Variants in SH3TC2 observed in about 807,000 individuals in gnomAD.
SH3TC2 encodes SH3 domain and tetratricopeptide repeat-containing protein 2.
A neutral mutation model predicts 124.5 loss-of-function variants in SH3TC2; 87 were observed. The ratio of observed to expected loss-of-function variants is 0.70; its 90% CI spans 0.59 to 0.84. The LOEUF is 0.84. Ranked by LOEUF, SH3TC2 falls within the 40% of genes least tolerant of loss-of-function variation. The pLI is 0.00. For synonymous variants in SH3TC2, 634 were observed against 628.5 expected (o/e 1.01, Z -0.13); for missense variants, 1,536 against 1,566.4 (o/e 0.98, Z 0.33).
chr5:149,053,992 G>A (rs922062435), intron 1 of SH3TC2, among the ~76,000 whole-genome samples: 1 of 152,146 alleles, frequency 6.6e-6, no homozygotes, highest in Non-Finnish European at 1.5e-5. Context: ...ACAATGGGGT[G>A]ACTGTAGTCA....
At position 148,985,193 on chromosome 5, in the gene SH3TC2, G is replaced by A. The variant is rs145315864; in HGVS notation, c.*19518C>T. On this transcript the variant is annotated 3_prime_UTR_variant, in exon 17 of 17. Transcript: ENST00000515425. ...CAAAGCACTTAAAATCAAAACACAC[G>A]CAAAAATATATTACTACTCATTTGA... Among the ~76,000 whole-genome samples, 6 of 150,724 alleles carry A rather than the reference G, an allele frequency of 4.0e-5. No individual in the cohort carries two copies. Among genetic ancestry groups the A allele is most frequent in the African/African-American group, 1.2e-4 (5 of 41,140 alleles).
In SH3TC2 at chr5:149,003,182, A is replaced by G. The variant is rs961472382; in HGVS notation, c.*1529T>C. 6.6e-6 allele frequency: 1 copy of G among 152,248 alleles called. No homozygotes were observed. The highest frequency in any genetic ancestry group is 2.4e-5 in the African/African-American group (1 of 41,474). 9.4% of individuals were successfully genotyped at this position (152,248 alleles called of 1,614,324 possible). On this transcript the variant is annotated 3_prime_UTR_variant, in exon 17 of 17. Coordinates refer to ENST00000515425, the MANE Select transcript of SH3TC2 (RefSeq NM_024577.4). ...CCCCAATGATTCCTCACCATCTGGT[A>G]TTCAAGCTGTTGGTAAACACTCCCC...
intron 9 of SH3TC2, among the ~76,000 whole-genome samples, chr5:149,030,300 C>A (rs548101527): frequency 1.3e-5 from 2 of 152,354 alleles, no homozygotes; most frequent in African/African-American, 4.8e-5. Flanking sequence ...TGTTCTCCTG[C>A]TGCTTGTCTT....
intron 13 of SH3TC2, among the ~76,000 whole-genome samples, chr5:149,010,723 A>G (rs1218908694): frequency 6.6e-6 from 1 of 152,216 alleles, no homozygotes; most frequent in Non-Finnish European, 1.5e-5. Flanking sequence ...CTGCAACTTT[A>G]GATAGTATTG....
At chr5:149,019,754 C>T (rs889834515) in intron 12 of SH3TC2, among the ~76,000 whole-genome samples, 5 of 152,152 alleles carry the variant, frequency 3.3e-5, no homozygotes, top group Non-Finnish European at 7.4e-5. Context: ...AGCTTCATTG[C>T]TTTTCAACTT....
At chr5:149,052,090 T>C (rs1260112502) in intron 2 of SH3TC2, 52 bp downstream of exon 2, 1 of 1,244,444 alleles carries the variant, frequency 8.0e-7, no homozygotes. Flanking sequence ...ATAAAGAGGT[T>C]ATCGCAATAC....
chr5:149,008,709 T>A, intron 15 of SH3TC2, 142 bp downstream of exon 15: 1 of 1,202,602 alleles, frequency 8.3e-7, no homozygotes, highest in South Asian at 1.2e-5. Flanking sequence ...GCAACTTGCT[T>A]AACTAAGGTC....
At position 149,004,595 on chromosome 5, in the gene SH3TC2, A is replaced by G; in HGVS notation, c.*116T>C. ...CCTGGACTTCATTCTTCTTCTTGTGAAATGAGGGGGCTAGGCCAGGTAAGG... is the reference window on the plus strand; with the variant it reads ...CCTGGACTTCATTCTTCTTCTTGTGGAATGAGGGGGCTAGGCCAGGTAAGG... On this transcript the variant is annotated 3_prime_UTR_variant, in exon 17 of 17. Coordinates refer to ENST00000515425, the MANE Select transcript of SH3TC2 (RefSeq NM_024577.4). The G allele has an allele frequency of 9.3e-7, 1 of 1,079,474 alleles. No homozygotes were observed. The highest frequency in any genetic ancestry group is 1.3e-6 in the Non-Finnish European group (1 of 755,720). 66.9% of individuals were successfully genotyped at this position (1,079,474 alleles called of 1,614,324 possible).
chr5:149,039,099 G>A (rs1010193500), intron 7 of SH3TC2, among the ~76,000 whole-genome samples: 3 of 152,196 alleles, frequency 2.0e-5, no homozygotes, highest in Admixed American at 6.5e-5. Context: ...TACCACTGGT[G>A]GAATAGAAAG....
At chr5:149,008,635 A>G (rs1753730980) in intron 15 of SH3TC2, 1 of 624,864 alleles carries the variant, frequency 1.6e-6, no homozygotes, top group Non-Finnish European at 2.8e-6. Flanking sequence ...AACAACTACC[A>G]TGAGGTGGGC....
chr5:149,030,063 T>A (rs893580451), intron 9 of SH3TC2, among the ~76,000 whole-genome samples: 5 of 152,136 alleles, frequency 3.3e-5, no homozygotes, highest in African/African-American at 1.2e-4. Context: ...GCCCCGCAGC[T>A]AAAGATGAAG....
chr5:149,060,691 G>A (rs1377280075), intron 1 of SH3TC2, among the ~76,000 whole-genome samples: 1 of 152,200 alleles, frequency 6.6e-6, no homozygotes, highest in African/African-American at 2.4e-5. Flanking sequence ...GGAATTAGGA[G>A]GAAGTGATGT....
rs144551547 is a variant in SH3TC2, at chr5:149,015,982, T to C, written c.3054-3248A>G. 3.0e-3 allele frequency among the ~76,000 whole-genome samples: 452 copies of C among 152,362 alleles called. 2 individuals are homozygous for C. The highest frequency in any genetic ancestry group is 0.01 in the African/African-American group (433 of 41,578). On this transcript the variant is annotated intron_variant, in intron 12 of 16. Transcript: ENST00000515425. ...TCCAGTAGGATGTTGTTGTTTTGAT[T>C]TGTTTTTTGAAACGTATCTAAGTTT...
At chr5:149,062,168 G>A (rs1014740662) in intron 1 of SH3TC2, 3 of 386,514 alleles carry the variant, frequency 7.8e-6, no homozygotes, top group Non-Finnish European at 5.1e-6. Flanking sequence ...ATGATTCCTT[G>A]GAGCAATGTT....
Position 149,005,640 on chromosome 5 carries a change from C to T in SH3TC2, c.3676-738G>A, listed in dbSNP as rs560186589. Among the ~76,000 whole-genome samples, 3 of 152,272 alleles carry T rather than the reference C, an allele frequency of 2.0e-5. No homozygotes were observed. In the South Asian group the frequency reaches 6.2e-4, roughly 32 times the overall value. On this transcript the variant is annotated intron_variant, in intron 16 of 16. Coordinates refer to ENST00000515425, the MANE Select transcript of SH3TC2 (RefSeq NM_024577.4). ...AGGGTGCTTCACTACCCCCGGCCCTCCCTACATGGTAAAGATGAGAAACAG... is the reference window on the plus strand; with the variant it reads ...AGGGTGCTTCACTACCCCCGGCCCTTCCTACATGGTAAAGATGAGAAACAG...
rs1753627919 is a variant in SH3TC2 at position 149,003,338 on chromosome 5, CT to C, written c.*1372del. 1 of 153,552 alleles carries C rather than the reference CT, an allele frequency of 6.5e-6. No homozygotes were observed. The highest frequency in any genetic ancestry group is 6.5e-5 in the Admixed American group (1 of 15,338). The allele number at this position is 153,552 out of a possible 1,614,324, so 9.5% of individuals were successfully genotyped here. A position where few individuals can be genotyped will look rare whatever the true frequency, so the allele number is the denominator to read the frequency against. On this transcript the variant is annotated 3_prime_UTR_variant, in exon 17 of 17. Transcript: ENST00000515425. ...CTCCTGCTCACTCTGGTTCTTGCTC[CT>C]CTTGTTTGCTCCCTCTAGTGAAGCA...
rs141957746 is a variant in SH3TC2, at chr5:149,034,977, C to A, written c.1002-3290G>T. 2.1e-3 allele frequency among the ~76,000 whole-genome samples: 322 copies of A among 152,232 alleles called. 2 individuals carry two copies. The highest frequency in any genetic ancestry group is 7.5e-3 in the African/African-American group (313 of 41,534). On this transcript the variant is annotated intron_variant, in intron 8 of 16. Transcript: ENST00000515425. ...TATATATATTTAAGACAGGCCAAGACTCAGGACTGAGAGTATTTATAACCC... is the reference window on the plus strand; with the variant it reads ...TATATATATTTAAGACAGGCCAAGAATCAGGACTGAGAGTATTTATAACCC...
rs1055860820 is a variant in SH3TC2 at position 148,986,086 on chromosome 5, T to C, written c.*18625A>G. 6.6e-6 allele frequency among the ~76,000 whole-genome samples: 1 copy of C among 152,200 alleles called. No homozygotes were observed. Among genetic ancestry groups the C allele is most frequent in the African/African-American group, 2.4e-5 (1 of 41,464 alleles). The stretch of plus-strand genomic sequence containing the variant: ...GTTCAACTTCTTTAAGTAAGGCTGT[T>C]TTGATCCAATTATAATCAATTTTCA... On this transcript the variant is annotated 3_prime_UTR_variant, in exon 17 of 17. Coordinates refer to ENST00000515425, the MANE Select transcript of SH3TC2 (RefSeq NM_024577.4).
At chr5:149,012,147 C>A (rs80046462) in intron 13 of SH3TC2, among the ~76,000 whole-genome samples, 1 of 152,254 alleles carries the variant, frequency 6.6e-6, no homozygotes, top group African/African-American at 2.4e-5. Flanking sequence ...CACTGTACCA[C>A]ATCTCTGATA....
Sources: allele counts gnomAD v4.1 joint callset (sites outside exome capture counted in the v4.1 genomes callset), GRCh38; gene constraint gnomAD v4.1.1; transcripts MANE v1.5; gene names NCBI Gene and HGNC (gene_info 2026-07-23, HGNC 2026-07-21).